Variants in DIP2C observed in about 807,000 individuals in gnomAD.
DIP2C encodes the protein disco-interacting protein 2 homolog C.
Under a neutral mutation model 192.4 loss-of-function variants are expected in DIP2C, and 33 were observed. That is an observed-to-expected ratio of 0.17 (90% confidence interval 0.13 to 0.23). The LOEUF (loss-of-function observed/expected upper bound fraction) is 0.23, where lower values mean the gene tolerates loss of function less well. Ranked by LOEUF, DIP2C falls within the 10% of genes least tolerant of loss-of-function variation. DIP2C has a pLI of 1.00. For synonymous variants in DIP2C, 979 were observed against 864.1 expected, an observed-to-expected ratio of 1.13 and a Z score of -2.33; for missense variants, 1,537 against 2,110.1, an observed-to-expected ratio of 0.73 and a Z score of 5.32.
intron 22 of DIP2C, among the ~76,000 whole-genome samples, chr10:362,142 TGAAA>T (rs1209558633): frequency 6.6e-6 from 1 of 151,772 alleles, no homozygotes. Flanking sequence ...AGGTCAGAAA[TGAAA>T]GAGCAACCAT....
intron 17 of DIP2C, among the ~76,000 whole-genome samples, chr10:378,744 C>T (rs1961984115): frequency 6.6e-6 from 1 of 151,984 alleles, no homozygotes; most frequent in Non-Finnish European, 1.5e-5. Flanking sequence ...CATAAAGACA[C>T]ATGTGAACAC....
chr10:628,171 A>C (rs1854307143), intron 1 of DIP2C, among the ~76,000 whole-genome samples: 1 of 152,212 alleles, frequency 6.6e-6, no homozygotes, highest in South Asian at 2.1e-4. Flanking sequence ...GTAGCAGATT[A>C]GGATTCAAAC....
intron 1 of DIP2C, among the ~76,000 whole-genome samples, chr10:496,888 G>T (rs1307950383): frequency 6.6e-6 from 1 of 152,212 alleles, no homozygotes; most frequent in Non-Finnish European, 1.5e-5. Context: ...ACTATGGAAG[G>T]CCGAGGCGGG....
At chr10:588,998 T>G (rs1283038215) in intron 1 of DIP2C, among the ~76,000 whole-genome samples, 2 of 152,204 alleles carry the variant, frequency 1.3e-5, no homozygotes, top group Non-Finnish European at 2.9e-5. Context: ...CACCACCACC[T>G]GGTGCTGAAG....
chr10:319,249 AG>A (rs1046294116), intron 31 of DIP2C, among the ~76,000 whole-genome samples: 4 of 152,062 alleles, frequency 2.6e-5, no homozygotes, highest in African/African-American at 9.7e-5. Flanking sequence ...TTCTATTACT[AG>A]GGGGGCTGTA....
At chr10:472,115 AAG>A (rs1256267135) in intron 3 of DIP2C, among the ~76,000 whole-genome samples, 3 of 152,230 alleles carry the variant, frequency 2.0e-5, no homozygotes, top group Non-Finnish European at 4.4e-5. Flanking sequence ...TGGTAAGAAA[AAG>A]AAAAAACTAT....
intron 1 of DIP2C, among the ~76,000 whole-genome samples, chr10:674,789 T>TATATATATATATATAGAG: frequency 2.8e-3 from 173 of 62,460 alleles, no homozygotes; most frequent in East Asian, 3.8e-3. Flanking sequence ...TATATATATA[T>TATATATATATATATAGAG]AGAGAGAGAG....
Position 423,050 on chromosome 10 carries a change from G to C in DIP2C, c.395-17C>G, listed in dbSNP as rs1226015762. ...AAGAGGTATCTGTGTAAGAAGAAAG[G>C]TGATTTGCTGTATGTTGCAGCAAAA... On this transcript the variant is annotated splice_polypyrimidine_tract_variant and intron_variant, in intron 4 of 36. Transcript: ENST00000280886. 2 of 1,579,900 alleles carry C rather than the reference G, an allele frequency of 1.3e-6. No individual in the cohort carries two copies. The highest frequency in any genetic ancestry group is 1.8e-5 in the Admixed American group (1 of 56,518).
chr10:528,637 G>C (rs952525647), intron 1 of DIP2C, among the ~76,000 whole-genome samples: 2 of 152,166 alleles, frequency 1.3e-5, no homozygotes, highest in African/African-American at 4.8e-5. Flanking sequence ...TCACTCGCTG[G>C]ACTCTCTGCC....
chr10:313,318 C>CAAAGAT (rs1031027728), intron 31 of DIP2C, among the ~76,000 whole-genome samples: 3 of 152,032 alleles, frequency 2.0e-5, no homozygotes, highest in Non-Finnish European at 4.4e-5. Context: ...CATTCAGAAA[C>CAAAGAT]AAAGATAAAG....
chr10:360,838 G>C (rs1263793109), intron 22 of DIP2C, among the ~76,000 whole-genome samples: 2 of 152,172 alleles, frequency 1.3e-5, no homozygotes, highest in Non-Finnish European at 2.9e-5. Context: ...GGTGTCAATA[G>C]GCTGTCTCTG....
chr10:487,539 C>G (rs959835838), intron 1 of DIP2C, among the ~76,000 whole-genome samples: 6 of 147,608 alleles, frequency 4.1e-5, no homozygotes, highest in Admixed American at 3.4e-4. Context: ...CCAAATGACA[C>G]GGAACCCGCA....
intron 28 of DIP2C, among the ~76,000 whole-genome samples, 194 bp downstream of exon 28, chr10:344,615 G>T (rs1310390760): frequency 6.6e-6 from 1 of 152,186 alleles, no homozygotes; most frequent in Non-Finnish European, 1.5e-5. Flanking sequence ...TGGGGCATTT[G>T]GACAGAATCA....
intron 2 of DIP2C, among the ~76,000 whole-genome samples, chr10:476,267 A>G (rs1843022111): frequency 6.6e-6 from 1 of 152,294 alleles, no homozygotes; most frequent in South Asian, 2.1e-4. Flanking sequence ...CTGCTCAGCT[A>G]TCATGCATTG....
At chr10:548,407 A>G (rs1212031064) in intron 1 of DIP2C, among the ~76,000 whole-genome samples, 2 of 129,950 alleles carry the variant, frequency 1.5e-5, no homozygotes, top group Non-Finnish European at 3.2e-5. Context: ...GCCCCTCGGG[A>G]GGGCAGTCAG....
chr10:336,629 ATCC>A (rs1324990124), intron 29 of DIP2C, among the ~76,000 whole-genome samples: 6 of 152,268 alleles, frequency 3.9e-5, no homozygotes, highest in Admixed American at 3.9e-4. Flanking sequence ...ATTTTACAGC[ATCC>A]TCCTACTTAT....
In DIP2C at chr10:363,922, C is replaced by T. The variant is rs1278605596; in HGVS notation, c.2477+452G>A. ...GGCAAAAACTCAGGAACCGTGGCAACTTATTTCATCACGGAGCCTCCACTG... is the reference window on the plus strand; with the variant it reads ...GGCAAAAACTCAGGAACCGTGGCAATTTATTTCATCACGGAGCCTCCACTG... On this transcript the variant is annotated intron_variant, in intron 20 of 36. Transcript: ENST00000280886. The surrounding 1 kb of genome is among the most constrained non-coding windows in gnomAD (Gnocchi z 5.4). 6.6e-6 allele frequency among the ~76,000 whole-genome samples: 1 copy of T among 152,140 alleles called. No homozygotes were observed. The highest frequency in any genetic ancestry group is 1.5e-5 in the Non-Finnish European group (1 of 68,024).
rs1851975893 is a variant in DIP2C, at chr10:600,344, G to C, written c.85+89150C>G. Among the ~76,000 whole-genome samples, 3 of 152,138 alleles carry C rather than the reference G, an allele frequency of 2.0e-5. No individual in the cohort carries two copies. The South Asian group carries it at 6.2e-4, about 32-fold the overall frequency. Reference sequence around the variant, plus strand: ...TCCCACTCCTTCCTCAGCCAGCCCAGGGGATGAGCTGCTAATAAGAGTGTC... The same window carrying C: ...TCCCACTCCTTCCTCAGCCAGCCCACGGGATGAGCTGCTAATAAGAGTGTC... On this transcript the variant is annotated intron_variant, in intron 1 of 36. Coordinates refer to ENST00000280886, the MANE Select transcript of DIP2C (RefSeq NM_014974.3).
intron 16 of DIP2C, among the ~76,000 whole-genome samples, chr10:383,369 A>C (rs1962554602): frequency 6.6e-6 from 1 of 152,232 alleles, no homozygotes; most frequent in African/African-American, 2.4e-5. Flanking sequence ...TGTTTCATAA[A>C]TGTGGTCAGA....
Sources: allele counts gnomAD v4.1 joint callset (sites outside exome capture counted in the v4.1 genomes callset), GRCh38; gene constraint gnomAD v4.1.1; non-coding constraint Gnocchi (gnomAD v3.1); transcripts MANE v1.5; gene names NCBI Gene and HGNC (gene_info 2026-07-23, HGNC 2026-07-21).